The following CYP2W1 variants were observed in gnomAD, a reference collection of about 807,000 sequenced individuals.
CYP2W1 encodes cytochrome P450 family 2 subfamily W member 1.
Under a neutral mutation model 44.9 loss-of-function variants are expected in CYP2W1, and 51 were observed. That is an observed-to-expected ratio of 1.14 (90% confidence interval 0.91 to 1.43). The LOEUF (loss-of-function observed/expected upper bound fraction) is 1.43, where lower values mean the gene tolerates loss of function less well. CYP2W1 is among the 40% of genes most tolerant of loss of function. The pLI, the probability that CYP2W1 is intolerant of heterozygous loss-of-function variation, is 0.00. For synonymous variants in CYP2W1, 383 were observed against 338.3 expected (o/e 1.13, Z -1.45); for missense variants, 746 against 700.0 (o/e 1.07, Z -0.74).
rs1194564123 is a variant in CYP2W1, at chr7:985,334, G to A, written c.645+11G>A. 4 of 1,548,216 alleles carry A rather than the reference G, an allele frequency of 2.6e-6. No individual in the cohort carries two copies. The highest frequency in any genetic ancestry group is 3.5e-6 in the Non-Finnish European group (4 of 1,145,322). ...TCCCCTGGCCTGCAGGTGAGGAGCT[G>A]CCTCCCATCCTTGGGGTGGGGTGGA... On this transcript the variant is annotated intron_variant, in intron 4 of 8. Transcript: ENST00000308919.
Position 988,336 on chromosome 7 carries a change from C to T in CYP2W1, c.1203C>T (p.Thr401=). ...SVLLDETQWQ[T]PGQFNPGHFL... ...TCCTGGATGAGACACAGTGGCAGAC[C>T]CCAGGCCAGTTCAACCCCGGCCATT... The change falls in exon 8 of 9, where the codon ACC becomes ACT. Residue 401 remains threonine (T), a synonymous_variant. Transcript: ENST00000308919. The T allele has an allele frequency of 2.5e-6, 4 of 1,612,526 alleles. No homozygotes were observed. Among genetic ancestry groups the T allele is most frequent in the South Asian group, 2.2e-5 (2 of 91,070 alleles).
In CYP2W1 at chr7:986,675, G is replaced by A. The variant is rs143729233; in HGVS notation, c.697G>A (p.Val233Ile). The A allele has an allele frequency of 6.9e-5, 112 of 1,612,654 alleles. No individual in the cohort carries two copies. In the African/African-American group the frequency reaches 1.0e-3, roughly 15 times the overall value. Reference protein sequence around the residue: ...LGALLQLHRPVLRKIEEVRAI... With the variant: ...LGALLQLHRPILRKIEEVRAI... Reference sequence around the variant, plus strand: ...GGCCCTGCTCCAGCTGCACCGGCCCGTCCTGCGCAAGATCGAGGAGGTCCG... The same window carrying A: ...GGCCCTGCTCCAGCTGCACCGGCCCATCCTGCGCAAGATCGAGGAGGTCCG... The change falls in exon 5 of 9, where the codon GTC (valine) becomes ATC (isoleucine). Residue 233 changes from valine (V) to isoleucine (I), a missense_variant. Physicochemically the swap from Val to Ile is conservative, Grantham distance 29. Transcript: ENST00000308919.
intron 4 of CYP2W1, 42 bp from the exon 5 acceptor site, chr7:986,582 G>A (rs1039983238): frequency 2.5e-6 from 4 of 1,604,034 alleles, no homozygotes; most frequent in Non-Finnish European, 3.4e-6. Context: ...GTGCAGCCCT[G>A]GGGCTGCGTC....
chr7:983,562 C>T (rs2128121399), intron 1 of CYP2W1, among the ~76,000 whole-genome samples, 177 bp downstream of exon 1: 1 of 152,318 alleles, frequency 6.6e-6, no homozygotes, highest in East Asian at 1.9e-4. Context: ...GCCACCCCGT[C>T]CCACAGGGAA....
chr7:983,327 C>T lies in CYP2W1; in HGVS notation c.116C>T (p.Pro39Leu), dbSNP rs1396779367. Reference sequence around the variant, plus strand: ...TGGCCCCCGGGGCCTCGCCCGCTGCCGCTCGTCGGGAACCTGCACTTGCTG... The same window carrying T: ...TGGCCCCCGGGGCCTCGCCCGCTGCTGCTCGTCGGGAACCTGCACTTGCTG... ...ARWPPGPRPL[P>L]LVGNLHLLRL... The change falls in exon 1 of 9, where the codon CCG becomes CTG. Residue 39 changes from proline (P) to leucine (L), a missense_variant. By Grantham distance (98) the Pro-to-Leu change is moderately conservative. Coordinates refer to ENST00000308919, the MANE Select transcript of CYP2W1 (RefSeq NM_017781.3). 23 of 1,539,430 alleles carry T rather than the reference C, an allele frequency of 1.5e-5. No homozygotes were observed. The highest frequency in any genetic ancestry group is 1.2e-4 in the Admixed American group (6 of 50,766).
At chr7:987,896 G>A (rs1244439121) in intron 7 of CYP2W1, among the ~76,000 whole-genome samples, 1 of 147,484 alleles carries the variant, frequency 6.8e-6, no homozygotes, top group Non-Finnish European at 1.5e-5. Flanking sequence ...GTCCTGAGGG[G>A]TCCCCTCTGT....
At position 987,433 on chromosome 7, in the gene CYP2W1, G is replaced by A. The variant is rs547544258; in HGVS notation, c.1045G>A (p.Ala349Thr). 9 of 1,591,198 alleles carry A rather than the reference G, an allele frequency of 5.7e-6. No individual in the cohort carries two copies. Among genetic ancestry groups the A allele is most frequent in the African/African-American group, 1.3e-5 (1 of 74,918 alleles). The change falls in exon 7 of 9, where the codon GCC (alanine) becomes ACC (threonine). Residue 349 changes from alanine (A) to threonine (T), a missense_variant. Ala to Thr is a moderately conservative substitution (Grantham distance 58). Coordinates refer to ENST00000308919, the MANE Select transcript of CYP2W1 (RefSeq NM_017781.3). The part of the protein sequence containing the change: ...EDQQALPYTS[A>T]VLHEVQRFIT... ...CCAGCAGGCTCTGCCCTACACAAGC[G>A]CCGTGCTCCACGAGGTGCAGCGGTT... is the stretch of plus-strand genomic sequence containing the variant.
intron 1 of CYP2W1, 125 bp from the exon 2 acceptor site, chr7:984,286 GC>G (rs1848150831): frequency 1.6e-6 from 2 of 1,278,950 alleles, no homozygotes; most frequent in African/African-American, 1.5e-5. Context: ...ATCTAGGCGT[GC>G]CCCCTCCACC....
rs1583247854 is a variant in CYP2W1, at chr7:989,212, T to G, written c.*390T>G. 4.4e-6 allele frequency: 1 copy of G among 228,156 alleles called. No individual in the cohort carries two copies. The highest frequency in any genetic ancestry group is 8.6e-6 in the Non-Finnish European group (1 of 116,334). The allele number at this position is 228,156 out of a possible 1,614,324, so 14.1% of individuals were successfully genotyped here. On this transcript the variant is annotated 3_prime_UTR_variant, in exon 9 of 9. Coordinates refer to ENST00000308919, the MANE Select transcript of CYP2W1 (RefSeq NM_017781.3). ...CCAGCCAGAGACAGGCGCAGGTGGG[T>G]GTCCTCAGCGTGCGAGCCCTGCACC...
intron 2 of CYP2W1, 47 bp downstream of exon 2, chr7:984,621 C>T: frequency 6.5e-7 from 1 of 1,528,234 alleles, no homozygotes; most frequent in South Asian, 1.2e-5. Flanking sequence ...GTGGGGGCAC[C>T]TGGACCCCAG....
At chr7:988,464 C>T (rs574625186) in intron 8 of CYP2W1, 46 bp downstream of exon 8, 1 of 1,609,196 alleles carries the variant, frequency 6.2e-7, no homozygotes, top group South Asian at 1.1e-5. Flanking sequence ...TCCAGGGCTC[C>T]AGGGGTGGGA....
At chr7:985,137 G>A in intron 3 of CYP2W1, 29 bp from the exon 4 acceptor site, 4 of 1,602,366 alleles carry the variant, frequency 2.5e-6, no homozygotes, top group Middle Eastern at 1.7e-4. Context: ...CCCGGGCCTG[G>A]ACGTGCCTGA....
Position 985,223 on chromosome 7 carries a change from T to C in CYP2W1, c.545T>C (p.Leu182Pro). Reference sequence around the variant, plus strand: ...GCTCCCTCCAATATCACCTTCGCGCTCCTCTTCGGCCGCCGATTTGACTAC... The same window carrying C: ...GCTCCCTCCAATATCACCTTCGCGCCCCTCTTCGGCCGCCGATTTGACTAC... ...GWAPSNITFA[L>P]LFGRRFDYRD... Residue 182 changes from leucine (L) to proline (P), a missense_variant, in exon 4 of 9, where the codon CTC (leucine) becomes CCC (proline). Transcript: ENST00000308919. The C allele has an allele frequency of 6.4e-7, 1 of 1,554,914 alleles. No homozygotes were observed. The highest frequency in any genetic ancestry group is 8.7e-7 in the Non-Finnish European group (1 of 1,149,414).
At chr7:986,192 G>T (rs1246762284) in intron 4 of CYP2W1, among the ~76,000 whole-genome samples, 1 of 152,122 alleles carries the variant, frequency 6.6e-6, no homozygotes, top group Non-Finnish European at 1.5e-5. Context: ...GGTGTGGCGG[G>T]GCTGCCACAG....
intron 8 of CYP2W1, 39 bp downstream of exon 8, chr7:988,457 A>G: frequency 1.9e-6 from 3 of 1,610,008 alleles, no homozygotes; most frequent in Non-Finnish European, 1.7e-6. Flanking sequence ...CGGCACCTCC[A>G]GGGCTCCAGG....
rs747104332 is a variant in CYP2W1 at position 986,805 on chromosome 7, G to A, written c.819+8G>A. 1.8e-5 allele frequency: 27 copies of A among 1,538,948 alleles called. No individual in the cohort carries two copies. The highest frequency in any genetic ancestry group is 1.6e-4 in the Admixed American group (8 of 50,992). On this transcript the variant is annotated splice_region_variant and intron_variant, in intron 5 of 8. Coordinates refer to ENST00000308919, the MANE Select transcript of CYP2W1 (RefSeq NM_017781.3). ...CTGATCCAGCAGGGACAGGTGTGTC[G>A]GGACCCAAGACCTCCTTGAAGGCCT... is the stretch of plus-strand genomic sequence containing the variant.
At position 985,336 on chromosome 7, in the gene CYP2W1, C is replaced by T; in HGVS notation, c.645+13C>T. ...CCCTGGCCTGCAGGTGAGGAGCTGC[C>T]TCCCATCCTTGGGGTGGGGTGGAGC... On this transcript the variant is annotated intron_variant, in intron 4 of 8. Coordinates refer to ENST00000308919, the MANE Select transcript of CYP2W1 (RefSeq NM_017781.3). 6.5e-7 allele frequency: 1 copy of T among 1,548,022 alleles called. No individual in the cohort carries two copies. Among genetic ancestry groups the T allele is most frequent in the South Asian group, 1.2e-5 (1 of 83,996 alleles).
chr7:984,930 C>T lies in CYP2W1; in HGVS notation c.338-20C>T, dbSNP rs201249207. 2.9e-5 allele frequency: 45 copies of T among 1,575,304 alleles called. No homozygotes were observed. The Middle Eastern group carries it at 6.4e-4, about 23-fold the overall frequency. ...CTGGGGTGGGAACCTGGGCTCACCA[C>T]GCACTGTATCTGCCTACAGGCATCT... On this transcript the variant is annotated intron_variant, in intron 2 of 8. Transcript: ENST00000308919.
In CYP2W1 at chr7:988,646, T is replaced by A; in HGVS notation, c.1297T>A (p.Cys433Ser). The change falls in exon 9 of 9, where the codon TGT (cysteine) becomes AGT (serine). Residue 433 changes from cysteine to serine, a missense_variant. Physicochemically the swap from Cys to Ser is moderately radical, Grantham distance 112 (BLOSUM62 -1). Coordinates refer to ENST00000308919, the MANE Select transcript of CYP2W1 (RefSeq NM_017781.3). ...GACATCCCCCGCAGGCCGCCGCGTC[T>A]GTGTTGGGGAGCGCCTGGCCAGGAC... ...FLPFSAGRRV[C>S]VGERLARTEL... 2 of 1,602,084 alleles carry A rather than the reference T, an allele frequency of 1.2e-6. No individual in the cohort carries two copies. The highest frequency in any genetic ancestry group is 8.5e-7 in the Non-Finnish European group (1 of 1,179,326).
Sources: gnomAD v4.1 joint callset for allele counts (sites outside exome capture counted in the v4.1 genomes callset) on GRCh38, gnomAD v4.1.1 for gene constraint, MANE v1.5 for transcripts, NCBI Gene and HGNC (gene_info 2026-07-23, HGNC 2026-07-21) for gene names.